LINGO2: variants seen among roughly 807,000 people sequenced by gnomAD.
LINGO2 encodes the protein leucine-rich repeat and immunoglobulin-like domain-containing nogo receptor-interacting protein 2.
Under a neutral mutation model 30.6 loss-of-function variants are expected in LINGO2, and 14 were observed. That is an observed-to-expected ratio of 0.46 (90% CI 0.30 to 0.72). LINGO2 has a LOEUF of 0.72. Among genes scored for constraint, LINGO2 ranks in the 30% least tolerant of loss-of-function variants. The pLI is 0.07. For missense variants in LINGO2, 729 were observed against 751.7 expected (o/e 0.97, Z 0.35); for synonymous variants, 317 against 288.5 (o/e 1.10, Z -1.00).
At chr9:28,133,226 C>G (rs1176856952) in intron 4 of LINGO2, among the ~76,000 whole-genome samples, 1 of 152,012 alleles carries the variant, frequency 6.6e-6, no homozygotes, top group Non-Finnish European at 1.5e-5. Context: ...ATTTTCCTGA[C>G]TATATTATTA....
the LINGO2 span, among the ~76,000 whole-genome samples, chr9:28,895,393 C>G: frequency 6.6e-6 from 1 of 152,032 alleles, no homozygotes; most frequent in Non-Finnish European, 1.5e-5. Context: ...AAAACTGCAA[C>G]CTTGCAAAGA....
At chr9:28,014,990 T>TA (rs1362649845) in intron 4 of LINGO2, among the ~76,000 whole-genome samples, 1 of 152,106 alleles carries the variant, frequency 6.6e-6, no homozygotes, top group Non-Finnish European at 1.5e-5. Flanking sequence ...AATGTGGTGA[T>TA]AAAAAACAAA....
chr9:28,489,695 G>A (rs545399880), intron 1 of LINGO2, among the ~76,000 whole-genome samples: 22 of 151,736 alleles, frequency 1.4e-4, no homozygotes, highest in African/African-American at 5.3e-4. Context: ...TCAGGAGATC[G>A]AGACCATCCT....
chr9:28,290,673 A>T (rs1243055130), intron 4 of LINGO2, among the ~76,000 whole-genome samples: 1 of 152,206 alleles, frequency 6.6e-6, no homozygotes, highest in Non-Finnish European at 1.5e-5. Flanking sequence ...GGGAGGGGCA[A>T]GGAAGCAATC....
chr9:28,463,434 G>A (rs1170581020), intron 2 of LINGO2, among the ~76,000 whole-genome samples: 11 of 151,994 alleles, frequency 7.2e-5, no homozygotes, highest in Admixed American at 7.2e-4. Context: ...TGAGAAAAGT[G>A]TTCACCTGTC....
At chr9:28,864,905 A>G in the LINGO2 span, among the ~76,000 whole-genome samples, 2 of 152,186 alleles carry the variant, frequency 1.3e-5, no homozygotes, top group Admixed American at 1.3e-4. Flanking sequence ...TTCAAGAAAT[A>G]CAAAGGAGAA....
chr9:28,389,932 G>A (rs1301376481), intron 2 of LINGO2, among the ~76,000 whole-genome samples: 1 of 152,100 alleles, frequency 6.6e-6, no homozygotes, highest in East Asian at 1.9e-4. Context: ...ATCTGGCCCT[G>A]GTTTCATGTT....
the LINGO2 span, among the ~76,000 whole-genome samples, chr9:28,781,989 G>C: frequency 6.6e-6 from 1 of 152,130 alleles, no homozygotes; most frequent in African/African-American, 2.4e-5. Flanking sequence ...TATTTTCACA[G>C]TAACTTATAG....
chr9:28,657,102 CA>C (rs1379711936), intron 1 of LINGO2, among the ~76,000 whole-genome samples: 1 of 150,668 alleles, frequency 6.6e-6, no homozygotes, highest in Non-Finnish European at 1.5e-5. Context: ...TAAATCACTC[CA>C]GATTCTTGAC....
At chr9:28,436,693 G>A (rs918072310) in intron 2 of LINGO2, among the ~76,000 whole-genome samples, 25 of 152,156 alleles carry the variant, frequency 1.6e-4, no homozygotes, top group Non-Finnish European at 3.1e-4. Flanking sequence ...TCCTGACCTC[G>A]TGATCCGCCC....
chr9:28,913,786 A>G, the LINGO2 span, among the ~76,000 whole-genome samples: 3 of 152,118 alleles, frequency 2.0e-5, no homozygotes, highest in African/African-American at 7.2e-5. Flanking sequence ...TAATTTTGCT[A>G]TTTACCTGCT....
the LINGO2 span, among the ~76,000 whole-genome samples, chr9:28,697,086 T>G: frequency 6.6e-6 from 1 of 151,938 alleles, no homozygotes; most frequent in Admixed American, 6.6e-5. Flanking sequence ...CTTTGAAAAT[T>G]TTATGAACAG....
At chr9:28,279,219 G>A (rs561651164) in intron 4 of LINGO2, among the ~76,000 whole-genome samples, 26 of 152,284 alleles carry the variant, frequency 1.7e-4, no homozygotes, top group African/African-American at 5.5e-4. Context: ...TGAACATGCT[G>A]TGAACATTGG....
At chr9:28,279,818 A>G (rs888109123) in intron 4 of LINGO2, among the ~76,000 whole-genome samples, 1 of 152,156 alleles carries the variant, frequency 6.6e-6, no homozygotes, top group Non-Finnish European at 1.5e-5. Flanking sequence ...CAAAGAGCCT[A>G]AAGTTTTTCC....
At chr9:28,993,243 T>G in the LINGO2 span, among the ~76,000 whole-genome samples, 4 of 151,860 alleles carry the variant, frequency 2.6e-5, no homozygotes, top group Non-Finnish European at 1.5e-5. Flanking sequence ...AACACCTCTA[T>G]GCAAATAAAC....
At chr9:28,275,042 C>A (rs1202081979) in intron 4 of LINGO2, among the ~76,000 whole-genome samples, 1 of 151,948 alleles carries the variant, frequency 6.6e-6, no homozygotes, top group Non-Finnish European at 1.5e-5. Flanking sequence ...GTTCAGAATG[C>A]TGGTCTTGTC....
At chr9:28,090,559 G>A (rs905968591) in intron 4 of LINGO2, among the ~76,000 whole-genome samples, 7 of 151,998 alleles carry the variant, frequency 4.6e-5, no homozygotes, top group Non-Finnish European at 1.0e-4. Context: ...TTGATGGGAC[G>A]TATCACAAAA....
At chr9:28,697,172 T>G in the LINGO2 span, among the ~76,000 whole-genome samples, 3 of 151,964 alleles carry the variant, frequency 2.0e-5, no homozygotes. Flanking sequence ...ACAAGGCAAC[T>G]AGAGTGGAAA....
the LINGO2 span, among the ~76,000 whole-genome samples, chr9:28,893,822 A>G: frequency 6.6e-6 from 1 of 151,934 alleles, no homozygotes; most frequent in Admixed American, 6.6e-5. Flanking sequence ...AAATATGTAT[A>G]TATGTGCCAT....
Sources: gnomAD v4.1 joint callset for allele counts (sites outside exome capture counted in the v4.1 genomes callset) on GRCh38, gnomAD v4.1.1 for gene constraint, MANE v1.5 for transcripts, NCBI Gene and HGNC (gene_info 2026-07-23, HGNC 2026-07-21) for gene names.